Variants in NRXN3 observed in about 807,000 individuals in gnomAD.
The protein encoded by NRXN3 is neurexin 3, also known as neurexin III.
A neutral mutation model predicts 137.6 loss-of-function variants in NRXN3; 32 were observed. The observed-to-expected ratio is 0.23, with a 90% CI of 0.18 to 0.31. The LOEUF (loss-of-function observed/expected upper bound fraction) is 0.31, where lower values mean the gene tolerates loss of function less well. NRXN3 is among the 10% of genes least tolerant of loss of function. The pLI is 1.00. For missense variants in NRXN3, 1,574 were observed against 2,062.5 expected, an observed-to-expected ratio of 0.76 and a Z score of 4.59; for synonymous variants, 798 against 784.5, an observed-to-expected ratio of 1.02 and a Z score of -0.29.
At chr14:79,172,129 A>C (rs147087241) in intron 15 of NRXN3, among the ~76,000 whole-genome samples, 183 of 152,112 alleles carry the variant, frequency 1.2e-3, no homozygotes, top group Middle Eastern at 6.8e-3. Flanking sequence ...CTGCATAGGG[A>C]GCAAACAATA....
chr14:79,446,023 A>G (rs2096058524), intron 15 of NRXN3, among the ~76,000 whole-genome samples: 1 of 152,194 alleles, frequency 6.6e-6, no homozygotes, highest in Non-Finnish European at 1.5e-5. Flanking sequence ...AAAGTTCACT[A>G]TATGCCATGC....
At chr14:78,225,978 T>TGTGTTG (rs1555412854) in intron 1 of NRXN3, among the ~76,000 whole-genome samples, 23 of 123,914 alleles carry the variant, frequency 1.9e-4, no homozygotes, top group Middle Eastern at 8.3e-3. Flanking sequence ...TGTGTTGGTG[T>TGTGTTG]GTGTGTGTGT....
intron 15 of NRXN3, among the ~76,000 whole-genome samples, chr14:79,291,154 G>A (rs2153459628): frequency 6.6e-6 from 1 of 152,148 alleles, no homozygotes. Flanking sequence ...ACCTTTGAAT[G>A]TTCTCTTTTC....
In NRXN3 at chr14:78,425,896, C is replaced by T. The variant is rs201938787; in HGVS notation, c.757+128036C>T. Among the ~76,000 whole-genome samples the T allele has an allele frequency of 3.3e-5, 5 of 152,128 alleles. No homozygotes were observed. In the East Asian group the frequency reaches 5.8e-4, roughly 18 times the overall value. On this transcript the variant is annotated intron_variant, in intron 4 of 20. Transcript: ENST00000335750. Reference sequence around the variant, plus strand: ...TTAGCTGTGAGTGTAACATTTGGCCCGTAGTCAAGGCCCAAGAAGTTATAA... The same window carrying T: ...TTAGCTGTGAGTGTAACATTTGGCCTGTAGTCAAGGCCCAAGAAGTTATAA...
intron 15 of NRXN3, among the ~76,000 whole-genome samples, chr14:79,174,284 C>G (rs2062078218): frequency 6.6e-6 from 1 of 151,982 alleles, no homozygotes; most frequent in African/African-American, 2.4e-5. Context: ...AGAAAAAATT[C>G]AGATTATCCT....
chr14:78,431,938 C>T (rs142702041), intron 4 of NRXN3, among the ~76,000 whole-genome samples: 1,729 of 151,804 alleles, frequency 0.011, 18 homozygotes, highest in Middle Eastern at 0.025. Context: ...CAGTAAAAGG[C>T]AGAGTTGGGA....
At chr14:79,420,797 C>T (rs1230871911) in intron 15 of NRXN3, among the ~76,000 whole-genome samples, 1 of 152,112 alleles carries the variant, frequency 6.6e-6, no homozygotes, top group Non-Finnish European at 1.5e-5. Flanking sequence ...GGATGGCCAT[C>T]TTATTGTCTT....
intron 15 of NRXN3, chr14:79,249,058 G>T (rs957769335): frequency 4.6e-5 from 7 of 152,224 alleles, no homozygotes; most frequent in African/African-American, 1.7e-4. Flanking sequence ...TACATTGACT[G>T]TTGTCTCTCG....
At chr14:78,531,403 A>T (rs2096459636) in intron 4 of NRXN3, among the ~76,000 whole-genome samples, 1 of 152,336 alleles carries the variant, frequency 6.6e-6, no homozygotes, top group African/African-American at 2.4e-5. Flanking sequence ...GCATACCACA[A>T]TGAGAATTGC....
intron 15 of NRXN3, among the ~76,000 whole-genome samples, chr14:79,200,380 C>G (rs1002403489): frequency 1.3e-5 from 2 of 151,982 alleles, no homozygotes; most frequent in African/African-American, 4.8e-5. Context: ...ACCGGGGAAG[C>G]AAGGAAACAC....
chr14:79,551,897 G>A (rs2097376230), intron 16 of NRXN3, among the ~76,000 whole-genome samples: 1 of 152,184 alleles, frequency 6.6e-6, no homozygotes. Context: ...AGTACCAAGA[G>A]ACATGGACTG....
intron 15 of NRXN3, among the ~76,000 whole-genome samples, chr14:79,271,331 T>C (rs958412345): frequency 2.0e-5 from 3 of 152,164 alleles, no homozygotes; most frequent in African/African-American, 7.2e-5. Flanking sequence ...AAATAAAGAA[T>C]GTGGCTTCCA....
chr14:79,593,552 A>G (rs1602606507), intron 16 of NRXN3, among the ~76,000 whole-genome samples: 1 of 147,618 alleles, frequency 6.8e-6, no homozygotes, highest in South Asian at 2.2e-4. Flanking sequence ...AATGGCGTGA[A>G]CCCGGGAGGC....
intron 16 of NRXN3, among the ~76,000 whole-genome samples, chr14:79,491,677 A>AAG (rs376868296): frequency 3.1e-4 from 46 of 149,296 alleles, no homozygotes; most frequent in East Asian, 7.9e-4. Flanking sequence ...GTGTGAGAGA[A>AAG]AGAGAGAGAG....
At chr14:79,675,661 A>C (rs1328668360) in intron 17 of NRXN3, among the ~76,000 whole-genome samples, 1 of 152,130 alleles carries the variant, frequency 6.6e-6, no homozygotes, top group Non-Finnish European at 1.5e-5. Context: ...GGTGAGGTTA[A>C]TTCAGGATAA....
chr14:79,036,060 CGTAGTTTTTACATG>C (rs1405014589), intron 15 of NRXN3, among the ~76,000 whole-genome samples: 9 of 151,906 alleles, frequency 5.9e-5, no homozygotes, highest in African/African-American at 1.9e-4. Context: ...AGAAAAACAT[CGTAGTTTTTACATG>C]GTAGTTTTTC....
chr14:78,327,694 A>G (rs957374225), intron 4 of NRXN3, among the ~76,000 whole-genome samples: 2 of 152,206 alleles, frequency 1.3e-5, no homozygotes, highest in Non-Finnish European at 2.9e-5. Context: ...GCAGTGAGCC[A>G]AGAAACTGCT....
At chr14:79,715,627 G>A (rs769682217) in intron 19 of NRXN3, among the ~76,000 whole-genome samples, 1 of 152,194 alleles carries the variant, frequency 6.6e-6, no homozygotes, top group Non-Finnish European at 1.5e-5. Context: ...TAAAGCAAGT[G>A]TAGGATGCCT....
intron 10 of NRXN3, among the ~76,000 whole-genome samples, chr14:78,878,497 AT>A (rs796707630): frequency 5.7e-4 from 87 of 152,160 alleles, no homozygotes; most frequent in African/African-American, 2.0e-3. Context: ...AGTGAAAGAA[AT>A]TTTTTTTCTA....
Sources: allele counts gnomAD v4.1 joint callset (sites outside exome capture counted in the v4.1 genomes callset), GRCh38; gene constraint gnomAD v4.1.1; transcripts MANE v1.5; gene names NCBI Gene and HGNC (gene_info 2026-07-23, HGNC 2026-07-21).